USP54: variants seen among roughly 807,000 people sequenced by gnomAD.
USP54 encodes the protein ubiquitin carboxyl-terminal hydrolase 54.
Under a neutral mutation model 170.5 loss-of-function variants are expected in USP54, and 87 were observed. The ratio of observed to expected loss-of-function variants is 0.51; its 90% CI spans 0.43 to 0.61. USP54 has a LOEUF of 0.61. USP54 is among the 20% of genes least tolerant of loss of function. The probability of loss-of-function intolerance (pLI) is 0.00; values close to 1 mark genes in which losing one functional copy is unlikely to be tolerated. For synonymous variants in USP54, 655 were observed against 742.8 expected (o/e 0.88, Z 1.92); for missense variants, 1,786 against 2,047.8 (o/e 0.87, Z 2.47).
At chr10:73,557,212 C>T (rs1171241005) in intron 4 of USP54, among the ~76,000 whole-genome samples, 3 of 152,176 alleles carry the variant, frequency 2.0e-5, no homozygotes, top group African/African-American at 7.2e-5. Context: ...AATAAGACCA[C>T]TGGGCTACAG....
At position 73,499,178 on chromosome 10, in the gene USP54, C is replaced by A. The variant is rs369816386; in HGVS notation, c.4506G>T (p.Arg1502Ser). The A allele has an allele frequency of 1.3e-6, 2 of 1,594,350 alleles. No individual in the cohort carries two copies. Among genetic ancestry groups the A allele is most frequent in the Non-Finnish European group, 1.7e-6 (2 of 1,172,484 alleles). ...GEPNRLPGTS[R>S]SVQQFLAMCD... is the part of the protein sequence containing the mutation. Reference sequence around the variant, plus strand: ...ACATAGCCAGAAACTGCTGGACACTCCTTGAAGTTCCTGGGGAAAGAAAAG... The same window carrying A: ...ACATAGCCAGAAACTGCTGGACACTACTTGAAGTTCCTGGGGAAAGAAAAG... The change falls in exon 24 of 24, where the codon AGG becomes AGT. Residue 1502 changes from arginine to serine, a missense_variant. By Grantham distance (110) the Arg-to-Ser change is moderately radical. Coordinates refer to ENST00000687698, the MANE Select transcript of USP54 (RefSeq NM_001391956.1).
At chr10:73,541,276 T>C in intron 9 of USP54, 99 bp downstream of exon 9, 1 of 1,516,184 alleles carries the variant, frequency 6.6e-7, no homozygotes, top group Non-Finnish European at 8.9e-7. Flanking sequence ...TTATAATACT[T>C]GTCATCTAGG....
chr10:73,518,307 T>C (rs1194166875), intron 19 of USP54: 2 of 934,556 alleles, frequency 2.1e-6, no homozygotes, highest in Non-Finnish European at 2.6e-6. Context: ...GTTTTTATAA[T>C]CTGGATTTTG....
At chr10:73,589,908 A>G (rs1316789042) in intron 1 of USP54, among the ~76,000 whole-genome samples, 2 of 152,206 alleles carry the variant, frequency 1.3e-5, no homozygotes, top group Admixed American at 1.3e-4. Flanking sequence ...ACAATACTCA[A>G]ATGAAAACAT....
intron 17 of USP54, among the ~76,000 whole-genome samples, chr10:73,523,064 A>C (rs1261638500): frequency 6.6e-6 from 1 of 152,222 alleles, no homozygotes; most frequent in Admixed American, 6.5e-5. Context: ...GGAAGAAAAA[A>C]AGTCTAACAT....
intron 20 of USP54, chr10:73,506,317 C>T (rs2059123949): frequency 6.6e-6 from 1 of 152,230 alleles, no homozygotes; most frequent in Non-Finnish European, 1.5e-5. Context: ...TAGCTTCTCT[C>T]AAATCATTTA....
rs1036865359 is a variant in USP54, at chr10:73,575,614, T to C, written c.45A>G (p.Val15=). ...AGCTTCGAGGTGCAAACATCCCTTG[T>C]ACACTACCACGACCCCCTGAAAAAT... is the stretch of plus-strand genomic sequence containing the variant. ...RNYFSGGRGS[V]QGMFAPRSST... Residue 15 remains valine, a synonymous_variant, in exon 3 of 24, where the codon GTA becomes GTG. Coordinates refer to ENST00000687698, the MANE Select transcript of USP54 (RefSeq NM_001391956.1). 1 of 1,613,642 alleles carries C rather than the reference T, an allele frequency of 6.2e-7. No individual in the cohort carries two copies. Among genetic ancestry groups the C allele is most frequent in the African/African-American group, 1.3e-5 (1 of 75,018 alleles).
At position 73,560,154 on chromosome 10, in the gene USP54, G is replaced by T. The variant is rs1044821454; in HGVS notation, c.240+11267C>A. Among the ~76,000 whole-genome samples the T allele has an allele frequency of 2.9e-4, 44 of 152,034 alleles. 1 individual carries two copies. ...TAAATAGGAAGCAGTGAAAAAATGG[G>T]ATTTAAGTATATAAAATTATACCCA... On this transcript the variant is annotated intron_variant, in intron 4 of 23. Transcript: ENST00000687698.
chr10:73,516,280 T>G (rs746417562), intron 20 of USP54, 95 bp downstream of exon 20: 103 of 1,303,986 alleles, frequency 7.9e-5, no homozygotes, highest in Non-Finnish European at 1.1e-4. Flanking sequence ...AAGCTGGGGA[T>G]AGTATCTGTA....
At position 73,516,621 on chromosome 10, in the gene USP54, AC is replaced by A; in HGVS notation, c.3804del (p.Arg1268SerfsTer16). The A allele has an allele frequency of 6.2e-7, 1 of 1,614,192 alleles. No homozygotes were observed. Among genetic ancestry groups the A allele is most frequent in the Non-Finnish European group, 8.5e-7 (1 of 1,180,046 alleles). On this transcript the variant is annotated frameshift_variant, in exon 20 of 24. Transcript: ENST00000687698. LOFTEE classifies it high-confidence loss of function. ...LPLDSWVNIT[R>X]FCDSQLKHGA... ...CCATGCTTAAGCTGAGAATCACAGA[AC>A]CTTGTGATATTCACCCAGGAATCCA...
chr10:73,585,849 C>G (rs1349902504), intron 1 of USP54, among the ~76,000 whole-genome samples: 1 of 151,970 alleles, frequency 6.6e-6, no homozygotes, highest in Admixed American at 6.6e-5. Flanking sequence ...GGTGAAACCC[C>G]GTCTCTACTA....
Position 73,504,846 on chromosome 10 carries a change from T to C in USP54, c.4311+4A>G. The C allele has an allele frequency of 6.2e-7, 1 of 1,614,196 alleles. No individual in the cohort carries two copies. The highest frequency in any genetic ancestry group is 8.5e-7 in the Non-Finnish European group (1 of 1,180,024). ...CTGAATAGATGGACCCTGATTCTAC[T>C]TACAAAACTGTGGGAAGAAACCGGA... On this transcript the variant is annotated splice_donor_region_variant and intron_variant, in intron 22 of 23. Coordinates refer to ENST00000687698, the MANE Select transcript of USP54 (RefSeq NM_001391956.1).
At chr10:73,551,515 G>A (rs919443509) in intron 4 of USP54, among the ~76,000 whole-genome samples, 1 of 152,108 alleles carries the variant, frequency 6.6e-6, no homozygotes, top group African/African-American at 2.4e-5. Context: ...ATGGGATTTT[G>A]AACCTTTGGA....
intron 10 of USP54, among the ~76,000 whole-genome samples, chr10:73,539,216 T>C (rs1170553885): frequency 6.7e-6 from 1 of 148,676 alleles, no homozygotes; most frequent in African/African-American, 2.5e-5. Flanking sequence ...GAGGCAGAGA[T>C]TGCAGTGAGC....
Position 73,543,442 on chromosome 10 carries a change from C to T in USP54, c.376-311G>A, listed in dbSNP as rs538324173. Among the ~76,000 whole-genome samples, 7 of 152,258 alleles carry T rather than the reference C, an allele frequency of 4.6e-5. No homozygotes were observed. The South Asian group carries it at 1.2e-3, about 27-fold the overall frequency. ...AGTGCAGTGGCTCAATCTTGGCTCA[C>T]TGCAAGCTCCACCTCCCGGGTTCAC... is the stretch of plus-strand genomic sequence containing the variant. On this transcript the variant is annotated intron_variant, in intron 5 of 23. Transcript: ENST00000687698.
chr10:73,584,160 C>T (rs994501607), intron 1 of USP54, among the ~76,000 whole-genome samples: 3 of 152,128 alleles, frequency 2.0e-5, no homozygotes, highest in South Asian at 2.1e-4. Flanking sequence ...GAGGCCGAGG[C>T]GGACAGATCA....
intron 4 of USP54, among the ~76,000 whole-genome samples, chr10:73,552,742 GATCAC>G (rs2069830404): frequency 6.6e-6 from 1 of 152,136 alleles, no homozygotes. Context: ...AGTAAGCTGA[GATCAC>G]ACCACTGTAC....
At chr10:73,534,210 CTT>C (rs34747653) in intron 12 of USP54, among the ~76,000 whole-genome samples, 16 of 144,110 alleles carry the variant, frequency 1.1e-4, no homozygotes, top group Admixed American at 6.9e-5. Context: ...TTTCTTTCTC[CTT>C]TTTTTTTTTT....
chr10:73,556,390 C>T (rs1387396015), intron 4 of USP54, among the ~76,000 whole-genome samples: 1 of 147,728 alleles, frequency 6.8e-6, no homozygotes, highest in Non-Finnish European at 1.5e-5. Context: ...GTCACCCAGG[C>T]AACAATCATG....
Sources: gnomAD v4.1 joint callset for allele counts (sites outside exome capture counted in the v4.1 genomes callset) on GRCh38, gnomAD v4.1.1 for gene constraint, MANE v1.5 for transcripts, NCBI Gene and HGNC (gene_info 2026-07-23, HGNC 2026-07-21) for gene names.